KCNQ1: variants seen among roughly 807,000 people sequenced by gnomAD.
KCNQ1 encodes the protein potassium voltage-gated channel subfamily Q member 1.
A neutral mutation model predicts 72.4 loss-of-function variants in KCNQ1; 49 were observed. The observed-to-expected ratio is 0.68, with a 90% CI of 0.54 to 0.86. KCNQ1 has a LOEUF of 0.86. KCNQ1 is among the 40% of genes least tolerant of loss of function. The pLI is 0.00. For missense variants in KCNQ1, 790 were observed against 945.1 expected, an observed-to-expected ratio of 0.84 and a Z score of 2.15; for synonymous variants, 450 against 412.6, an observed-to-expected ratio of 1.09 and a Z score of -1.10.
chr11:2,675,794 C>G (rs1442128775), intron 11 of KCNQ1: 1 of 398,620 alleles, frequency 2.5e-6, no homozygotes, highest in African/African-American at 2.1e-5. Flanking sequence ...GCCCGCAGGG[C>G]ATACCAGCCA....
intron 11 of KCNQ1, chr11:2,685,085 T>TC: frequency 5.0e-6 from 2 of 398,660 alleles, no homozygotes; most frequent in Admixed American, 8.8e-5. Flanking sequence ...AATTACAGAT[T>TC]CCAGGGAAGG....
In KCNQ1 at chr11:2,575,357, G is replaced by A. The variant is rs1848407286; in HGVS notation, c.921+2371G>A. ...GTTCCCGCCAGGCCCCGCGCCCCTG[G>A]TCGCCCTGGGCCCCCCACCGCCCAG... On this transcript the variant is annotated intron_variant, in intron 6 of 15. Coordinates refer to ENST00000155840, the MANE Select transcript of KCNQ1 (RefSeq NM_000218.3). Among the ~76,000 whole-genome samples, 3 of 152,226 alleles carry A rather than the reference G, an allele frequency of 2.0e-5. No individual in the cohort carries two copies. The South Asian group carries it at 6.2e-4, about 32-fold the overall frequency.
At position 2,759,185 on chromosome 11, in the gene KCNQ1, G is replaced by A. The variant is rs546115576; in HGVS notation, c.1515-9659G>A. Among the ~76,000 whole-genome samples, 1 of 152,218 alleles carries A rather than the reference G, an allele frequency of 6.6e-6. No individual in the cohort carries two copies. Among genetic ancestry groups the A allele is most frequent in the African/African-American group, 2.4e-5 (1 of 41,526 alleles). On this transcript the variant is annotated intron_variant, in intron 11 of 15. Coordinates refer to ENST00000155840, the MANE Select transcript of KCNQ1 (RefSeq NM_000218.3). This position sits in a 1 kb window ranked among gnomAD's most constrained non-coding sequence, Gnocchi z 4.4. ...AAAGAAGCAAAACAACACACTGGGAGGTGCAGGAAACCACACACGTGATGT... is the reference window on the plus strand; with the variant it reads ...AAAGAAGCAAAACAACACACTGGGAAGTGCAGGAAACCACACACGTGATGT...
At chr11:2,825,088 C>T (rs1011385189) in intron 15 of KCNQ1, among the ~76,000 whole-genome samples, 1 of 152,330 alleles carries the variant, frequency 6.6e-6, no homozygotes, top group South Asian at 2.1e-4. Context: ...TGCTGGGCCT[C>T]AGCCTGGACA....
chr11:2,836,608 C>T (rs1848070201), intron 15 of KCNQ1, among the ~76,000 whole-genome samples: 2 of 152,184 alleles, frequency 1.3e-5, no homozygotes, highest in African/African-American at 4.8e-5. Context: ...TCAGCAATCC[C>T]CACAGAAAGG....
rs1849602371 is a variant in KCNQ1 at position 2,642,921 on chromosome 11, A to G, written c.1394-19040A>G. Reference sequence around the variant, plus strand: ...TCTGCCTTAATTTCTTCTTTGACCCATTGGTCATTCAGGAACATGTTAATT... The same window carrying G: ...TCTGCCTTAATTTCTTCTTTGACCCGTTGGTCATTCAGGAACATGTTAATT... On this transcript the variant is annotated intron_variant, in intron 10 of 15. Transcript: ENST00000155840. This position sits in a 1 kb window ranked among gnomAD's most constrained non-coding sequence, Gnocchi z 4.3. 6 of 397,812 alleles carry G rather than the reference A, an allele frequency of 1.5e-5. No homozygotes were observed. In the East Asian group the frequency reaches 2.1e-4, roughly 14 times the overall value. 24.6% of individuals were successfully genotyped at this position (397,812 alleles called of 1,614,324 possible). A position where few individuals can be genotyped will look rare whatever the true frequency, so the allele number is the denominator to read the frequency against.
chr11:2,490,071 C>T (rs961842529), intron 1 of KCNQ1, among the ~76,000 whole-genome samples: 3 of 152,170 alleles, frequency 2.0e-5, no homozygotes, highest in African/African-American at 4.8e-5. Flanking sequence ...AGCCTAGAAG[C>T]CTTCACCACA....
At chr11:2,610,053 T>TGG (rs1848953737) in intron 10 of KCNQ1, 1 of 397,802 alleles carries the variant, frequency 2.5e-6, no homozygotes, top group Non-Finnish European at 4.4e-6. Context: ...CAGTTTTACT[T>TGG]TTGGTCTTTT....
At chr11:2,825,856 G>A (rs1175576945) in intron 15 of KCNQ1, among the ~76,000 whole-genome samples, 2 of 152,134 alleles carry the variant, frequency 1.3e-5, no homozygotes, top group African/African-American at 4.8e-5. Flanking sequence ...TAAAGAGAGA[G>A]GCAGGGCAAC....
intron 2 of KCNQ1, among the ~76,000 whole-genome samples, chr11:2,558,706 G>C (rs147478268): frequency 0.011 from 1,644 of 152,234 alleles, 12 homozygotes; most frequent in Non-Finnish European, 0.016. Context: ...CGCCTGAAAC[G>C]TGTGTAACTC....
rs1280436861 is a variant in KCNQ1, at chr11:2,572,973, T to TG, written c.909dup (p.Trp304ValfsTer159). On this transcript the variant is annotated frameshift_variant, in exon 6 of 16. Coordinates refer to ENST00000155840, the MANE Select transcript of KCNQ1 (RefSeq NM_000218.3). LOFTEE classifies it high-confidence loss of function. ...GAGTTCGGCAGCTACGCAGATGCGC[T>TG]GTGGTGGGGGGTGGTAAGTCGGAAA... The TG allele has an allele frequency of 6.2e-7, 1 of 1,613,316 alleles. No homozygotes were observed. The highest frequency in any genetic ancestry group is 1.3e-5 in the African/African-American group (1 of 74,902).
rs762666439 is a variant in KCNQ1 at position 2,734,649 on chromosome 11, G to T, written c.1515-34195G>T. Among the ~76,000 whole-genome samples the T allele has an allele frequency of 7.9e-5, 12 of 152,036 alleles. No homozygotes were observed. Among genetic ancestry groups the T allele is most frequent in the Admixed American group, 3.3e-4 (5 of 15,278 alleles). ...GGACTGGAGAGTAGGAGCAGGTCTC[G>T]GGGGTAGCTTCCTGAAGAGATGAGT... On this transcript the variant is annotated intron_variant, in intron 11 of 15. Coordinates refer to ENST00000155840, the MANE Select transcript of KCNQ1 (RefSeq NM_000218.3). This position sits in a 1 kb window ranked among gnomAD's most constrained non-coding sequence, Gnocchi z 7.0.
At chr11:2,763,914 C>T (rs556983002) in intron 11 of KCNQ1, among the ~76,000 whole-genome samples, 1 of 151,400 alleles carries the variant, frequency 6.6e-6, no homozygotes, top group East Asian at 2.0e-4. Context: ...TTGTTAAATT[C>T]ATGTATTCCA....
At chr11:2,821,317 G>A (rs12294675) in intron 15 of KCNQ1, among the ~76,000 whole-genome samples, 24,633 of 152,300 alleles carry the variant, frequency 0.16, 2,104 homozygotes, top group Middle Eastern at 0.23. Flanking sequence ...GAAGGTGGCC[G>A]TGGGCCTGGC....
Position 2,621,039 on chromosome 11 carries a change from G to A in KCNQ1, c.1393+32185G>A, listed in dbSNP as rs556842107. Reference sequence around the variant, plus strand: ...GTCTCCCAGGCTGGAGTGCAGTGGCGCAATCTCGGCTCACTGCAACCTCCA... The same window carrying A: ...GTCTCCCAGGCTGGAGTGCAGTGGCACAATCTCGGCTCACTGCAACCTCCA... On this transcript the variant is annotated intron_variant, in intron 10 of 15. Coordinates refer to ENST00000155840, the MANE Select transcript of KCNQ1 (RefSeq NM_000218.3). The surrounding 1 kb of genome is among the most constrained non-coding windows in gnomAD (Gnocchi z 5.7). The A allele has an allele frequency of 9.8e-4, 387 of 396,018 alleles. 1 individual carries two copies. Among genetic ancestry groups the A allele is most frequent in the African/African-American group, 7.1e-3 (343 of 48,456 alleles). 24.5% of individuals were successfully genotyped at this position (396,018 alleles called of 1,614,324 possible).
chr11:2,726,516 C>T (rs1845767126), intron 11 of KCNQ1, among the ~76,000 whole-genome samples: 1 of 152,092 alleles, frequency 6.6e-6, no homozygotes, highest in Non-Finnish European at 1.5e-5. Flanking sequence ...TTCCAGCCGT[C>T]CCCCACCCCA....
In KCNQ1 at chr11:2,567,701, T is replaced by C. The variant is rs1848266894; in HGVS notation, c.478-2927T>C. On this transcript the variant is annotated intron_variant, in intron 2 of 15. Coordinates refer to ENST00000155840, the MANE Select transcript of KCNQ1 (RefSeq NM_000218.3). This position sits in a 1 kb window ranked among gnomAD's most constrained non-coding sequence, Gnocchi z 6.6. ...CCTCCCCAGCCATGCAGCCTTGCAC[T>C]GCCTTCCCACATCCAGCTGGATTTG... Among the ~76,000 whole-genome samples, 1 of 152,244 alleles carries C rather than the reference T, an allele frequency of 6.6e-6. No homozygotes were observed. The highest frequency in any genetic ancestry group is 2.1e-4 in the South Asian group (1 of 4,830).
rs901190311 is a variant in KCNQ1, at chr11:2,458,230, A to C, written c.386+12746A>C. ...TCACTGAAAATAACAGAGGAAGTGG[A>C]TGAGCTGCATTGATGGGGTTCAGAT... is the stretch of plus-strand genomic sequence containing the variant. On this transcript the variant is annotated intron_variant, in intron 1 of 15. Coordinates refer to ENST00000155840, the MANE Select transcript of KCNQ1 (RefSeq NM_000218.3). The surrounding 1 kb of genome is among the most constrained non-coding windows in gnomAD (Gnocchi z 4.6). Among the ~76,000 whole-genome samples the C allele has an allele frequency of 6.6e-5, 10 of 152,094 alleles. No individual in the cohort carries two copies. The highest frequency in any genetic ancestry group is 1.3e-4 in the Non-Finnish European group (9 of 68,024).
At chr11:2,775,490 G>T (rs2133988675) in intron 12 of KCNQ1, among the ~76,000 whole-genome samples, 1 of 152,352 alleles carries the variant, frequency 6.6e-6, no homozygotes, top group Admixed American at 6.5e-5. Flanking sequence ...TCCCTACCCT[G>T]AGGACAGTGG....
Sources: gnomAD v4.1 joint callset for allele counts (sites outside exome capture counted in the v4.1 genomes callset) on GRCh38, gnomAD v4.1.1 for gene constraint, Gnocchi (gnomAD v3.1) non-coding constraint, MANE v1.5 for transcripts, NCBI Gene and HGNC (gene_info 2026-07-23, HGNC 2026-07-21) for gene names.